The following ELFN1 variants were observed in gnomAD, a reference collection of about 807,000 sequenced individuals.
ELFN1 encodes extracellular leucine rich repeat and fibronectin type III domain containing 1, also known as protein ELFN1.
In ELFN1, 6 loss-of-function variants were observed where a neutral mutation model predicts 7.6. The observed-to-expected ratio is 0.79, with a 90% CI of 0.43 to 1.56. The LOEUF (loss-of-function observed/expected upper bound fraction) is 1.56. Ranked by LOEUF, ELFN1 falls within the 40% of genes most tolerant of loss-of-function variation. The pLI, the probability that ELFN1 is intolerant of heterozygous loss-of-function variation, is 0.01. For missense variants in ELFN1, 1,169 were observed against 1,232.2 expected, an observed-to-expected ratio of 0.95 and a Z score of 0.77; for synonymous variants, 657 against 588.1, an observed-to-expected ratio of 1.12 and a Z score of -1.70.
At chr7:1,731,275 T>C (rs1013151847) in intron 3 of ELFN1, among the ~76,000 whole-genome samples, 4 of 152,220 alleles carry the variant, frequency 2.6e-5, no homozygotes, top group Non-Finnish European at 5.9e-5. Context: ...CAGCGAGTTT[T>C]ACAAAGCGAG....
In ELFN1 at chr7:1,673,098, CTT is replaced by C. The variant is rs1259023321; in HGVS notation, c.-549+2746_-549+2747del. Among the ~76,000 whole-genome samples, 1 of 151,394 alleles carries C rather than the reference CTT, an allele frequency of 6.6e-6. No homozygotes were observed. The highest frequency in any genetic ancestry group is 1.5e-5 in the Non-Finnish European group (1 of 67,896). ...CATCTCTCCAGCGCCCCCCCCCGCT[CTT>C]TCCTTTTTGTTTTTGTTGTGGATTT... On this transcript the variant is annotated intron_variant, in intron 1 of 3. Transcript: ENST00000424383. The surrounding 1 kb of genome is among the most constrained non-coding windows in gnomAD (Gnocchi z 4.7).
At chr7:1,670,201 T>C (rs1778735504), upstream of ELFN1, among the ~76,000 whole-genome samples, 1 of 147,598 alleles carries the variant, frequency 6.8e-6, no homozygotes, top group African/African-American at 2.5e-5. The surrounding 1 kb of genome is among the most constrained non-coding windows in gnomAD (Gnocchi z 6.4). Context: ...AGGGCGAGCT[T>C]GAATTCCCCC....
upstream of ELFN1, among the ~76,000 whole-genome samples, chr7:1,670,012 C>T (rs1425180702): frequency 6.6e-6 from 1 of 151,232 alleles, no homozygotes; most frequent in Non-Finnish European, 1.5e-5. The surrounding 1 kb of genome is among the most constrained non-coding windows in gnomAD (Gnocchi z 6.4). Flanking sequence ...AGCGGGTTGC[C>T]GCGGGGAGCC....
chr7:1,667,673 TC>T (rs1778690671), upstream of ELFN1, among the ~76,000 whole-genome samples: 1 of 152,076 alleles, frequency 6.6e-6, no homozygotes, highest in Non-Finnish European at 1.5e-5. This position sits in a 1 kb window ranked among gnomAD's most constrained non-coding sequence, Gnocchi z 8.2. Context: ...GGGATCTTTG[TC>T]CCCAGGGCCA....
chr7:1,708,276 C>G (rs1027211372), intron 2 of ELFN1, among the ~76,000 whole-genome samples: 1 of 152,196 alleles, frequency 6.6e-6, no homozygotes, highest in Non-Finnish European at 1.5e-5. Context: ...GTGAAGGAAG[C>G]AAGTACGCTG....
intron 2 of ELFN1, among the ~76,000 whole-genome samples, chr7:1,704,559 C>G (rs187263166): frequency 5.9e-5 from 9 of 152,104 alleles, no homozygotes; most frequent in African/African-American, 2.2e-4. Context: ...CCTCCCCACC[C>G]CAGGAGGCTC....
intron 3 of ELFN1, among the ~76,000 whole-genome samples, chr7:1,734,267 C>T (rs56098220): frequency 0.019 from 2,906 of 152,212 alleles, 92 homozygotes; most frequent in African/African-American, 0.067. Context: ...CATTCCTCCT[C>T]TCCCGGGGCC....
At chr7:1,738,045 C>G (rs908952947) in intron 3 of ELFN1, among the ~76,000 whole-genome samples, 3 of 152,208 alleles carry the variant, frequency 2.0e-5, no homozygotes, top group Non-Finnish European at 4.4e-5. Flanking sequence ...GCCGAGGTCC[C>G]CGTGCGACAA....
chr7:1,697,451 C>T (rs1779341893), intron 2 of ELFN1, among the ~76,000 whole-genome samples: 1 of 152,234 alleles, frequency 6.6e-6, no homozygotes. Flanking sequence ...GGACTGAGCA[C>T]CGCTGGGTTG....
chr7:1,667,990 C>G (rs976742379), upstream of ELFN1, among the ~76,000 whole-genome samples: 1 of 150,684 alleles, frequency 6.6e-6, no homozygotes, highest in African/African-American at 2.5e-5. The surrounding 1 kb of genome is among the most constrained non-coding windows in gnomAD (Gnocchi z 8.2). Flanking sequence ...GCCGCGAGGA[C>G]TCGACCCCTG....
chr7:1,667,972 G>C (rs1297068214), upstream of ELFN1, among the ~76,000 whole-genome samples: 1 of 141,046 alleles, frequency 7.1e-6, no homozygotes, highest in Admixed American at 6.9e-5. This position sits in a 1 kb window ranked among gnomAD's most constrained non-coding sequence, Gnocchi z 8.2. Context: ...GGGTGGGGGG[G>C]GGGGGCGGCC....
At chr7:1,697,656 C>T (rs956949919) in intron 2 of ELFN1, among the ~76,000 whole-genome samples, 1 of 152,206 alleles carries the variant, frequency 6.6e-6, no homozygotes, top group African/African-American at 2.4e-5. Flanking sequence ...TTCTCTAGGG[C>T]GGTGTCCACT....
In ELFN1 at chr7:1,747,082, G is replaced by T; in HGVS notation, c.2486G>T (p.Ter829LeuextTer93). 1 of 1,486,942 alleles carries T rather than the reference G, an allele frequency of 6.7e-7. No homozygotes were observed. The allele number at this position is 1,486,942 out of a possible 1,614,324, so 92.1% of individuals were successfully genotyped here. Residue 829 changes from the stop codon to leucine (L), a stop_lost, in exon 4 of 4, where the codon TGA (stop) becomes TTA (leucine). Transcript: ENST00000424383. ...GGCGTGTCGGCCCAGCACAAGTCCT[G>T]AGCCCCCCAAGACCGGCGATGCCCA... Reference protein sequence around the residue: ...WKGVSAQHKS* With the variant: ...WKGVSAQHKSL
At chr7:1,696,884 G>A (rs887682215) in intron 2 of ELFN1, among the ~76,000 whole-genome samples, 4 of 152,206 alleles carry the variant, frequency 2.6e-5, no homozygotes, top group African/African-American at 7.2e-5. Context: ...CTGAGGGTCC[G>A]GTGGGATGAC....
At position 1,745,898 on chromosome 7, in the gene ELFN1, C is replaced by A; in HGVS notation, c.1302C>A (p.Gly434=). 1 of 1,587,062 alleles carries A rather than the reference C, an allele frequency of 6.3e-7. No homozygotes were observed. Among genetic ancestry groups the A allele is most frequent in the South Asian group, 1.1e-5 (1 of 87,504 alleles). ...TCTTCGGCATGGTGCTGGTGCTGGGCGCCGTCTACTACTGCCTGCGCAGGC... is the reference window on the plus strand; with the variant it reads ...TCTTCGGCATGGTGCTGGTGCTGGGAGCCGTCTACTACTGCCTGCGCAGGC... The part of the protein sequence containing the change: ...GCLFGMVLVL[G]AVYYCLRRRR... The change falls in exon 4 of 4, where the codon GGC becomes GGA. Residue 434 remains glycine, a synonymous_variant. Coordinates refer to ENST00000424383, the MANE Select transcript of ELFN1 (RefSeq NM_001128636.4).
intron 1 of ELFN1, among the ~76,000 whole-genome samples, chr7:1,675,916 C>T (rs919547241): frequency 3.9e-5 from 6 of 152,198 alleles, no homozygotes; most frequent in Admixed American, 6.5e-5. Flanking sequence ...TCGACCTCCA[C>T]GGCCTCCCTA....
At chr7:1,706,028 C>T (rs1321939831) in intron 2 of ELFN1, among the ~76,000 whole-genome samples, 4 of 152,196 alleles carry the variant, frequency 2.6e-5, no homozygotes, top group Non-Finnish European at 5.9e-5. Flanking sequence ...GTCCAGGTCA[C>T]GGCAGTGGTG....
At chr7:1,716,025 C>T (rs1016180377) in intron 3 of ELFN1, among the ~76,000 whole-genome samples, 1 of 152,244 alleles carries the variant, frequency 6.6e-6, no homozygotes, top group Non-Finnish European at 1.5e-5. Flanking sequence ...TGCTCACCAG[C>T]TGTGCACACA....
intron 3 of ELFN1, among the ~76,000 whole-genome samples, chr7:1,742,584 C>T (rs550970513): frequency 3.3e-5 from 5 of 152,330 alleles, no homozygotes; most frequent in South Asian, 4.1e-4. Context: ...AACCGGACCA[C>T]GTGGGGACCC....
Sources: gnomAD v4.1 joint callset for allele counts (sites outside exome capture counted in the v4.1 genomes callset) on GRCh38, gnomAD v4.1.1 for gene constraint, Gnocchi (gnomAD v3.1) non-coding constraint, MANE v1.5 for transcripts, NCBI Gene and HGNC (gene_info 2026-07-23, HGNC 2026-07-21) for gene names.